PCDHGA3: variants seen among roughly 807,000 people sequenced by gnomAD.
PCDHGA3 encodes protocadherin gamma subfamily A, 3, also known as protocadherin gamma-A3.
A neutral mutation model predicts 58.5 loss-of-function variants in PCDHGA3; 40 were observed. That is an observed-to-expected ratio of 0.68 (90% CI 0.53 to 0.89). The LOEUF is 0.89. Among genes scored for constraint, PCDHGA3 ranks in the 40% least tolerant of loss-of-function variants. The pLI is 0.00. For synonymous variants in PCDHGA3, 530 were observed against 525.7 expected, an observed-to-expected ratio of 1.01 and a Z score of -0.11; for missense variants, 1,223 against 1,195.9, an observed-to-expected ratio of 1.02 and a Z score of -0.33.
rs35224477 is a variant in PCDHGA3, at chr5:141,464,263, TA to T, written c.2425-30530del. On this transcript the variant is annotated intron_variant, in intron 1 of 3. Coordinates refer to ENST00000253812, the MANE Select transcript of PCDHGA3 (RefSeq NM_018916.4). ...CTGGGCTACAGAGCGAGACTCCGTC[TA>T]AAAAAAAAAAAAAGCAAAAAAAAAA... Among the ~76,000 whole-genome samples, 390 of 103,506 alleles carry T rather than the reference TA, an allele frequency of 3.8e-3. 1 individual carries two copies. Among genetic ancestry groups the T allele is most frequent in the Admixed American group, 4.7e-3 (45 of 9,486 alleles). 67.9% of individuals were successfully genotyped at this position (103,506 alleles called of 152,430 possible). A position where few individuals can be genotyped will look rare whatever the true frequency, so the allele number is the denominator to read the frequency against.
At chr5:141,497,284 A>G (rs1486878285) in intron 2 of PCDHGA3, among the ~76,000 whole-genome samples, 1 of 152,104 alleles carries the variant, frequency 6.6e-6, no homozygotes, top group South Asian at 2.1e-4. Context: ...TGTTCCCTCT[A>G]CCTACCACCA....
At chr5:141,424,491 G>T (rs2096824224) in intron 1 of PCDHGA3, 1 of 152,122 alleles carries the variant, frequency 6.6e-6, no homozygotes, top group South Asian at 2.1e-4. Context: ...GTCTGTGTTT[G>T]TATGTATGGA....
At chr5:141,488,070 C>A (rs777154469) in intron 1 of PCDHGA3, among the ~76,000 whole-genome samples, 3 of 152,076 alleles carry the variant, frequency 2.0e-5, no homozygotes, top group Non-Finnish European at 1.5e-5. Context: ...TCTTTGTCTC[C>A]CAGTATCTAG....
chr5:141,367,835 C>T (rs1423216035), intron 1 of PCDHGA3: 1 of 151,994 alleles, frequency 6.6e-6, no homozygotes, highest in East Asian at 1.9e-4. Context: ...GAATCAATAC[C>T]TACTGCAATG....
chr5:141,443,443 G>A (rs2098388456), intron 1 of PCDHGA3, among the ~76,000 whole-genome samples: 1 of 152,124 alleles, frequency 6.6e-6, no homozygotes, highest in African/African-American at 2.4e-5. Flanking sequence ...CTGTGGTTGC[G>A]CTCCTGTACT....
chr5:141,354,877 C>T (rs1759657393), intron 1 of PCDHGA3: 1 of 369,784 alleles, frequency 2.7e-6, no homozygotes, highest in African/African-American at 2.1e-5. Flanking sequence ...AGGAATTTGA[C>T]TTTATTATCT....
At chr5:141,360,685 C>G (rs1174520125) in intron 1 of PCDHGA3, 2 of 1,613,986 alleles carry the variant, frequency 1.2e-6, no homozygotes, top group Non-Finnish European at 1.7e-6. Context: ...CGCTGAGAAA[C>G]AGACTCCAGA....
intron 1 of PCDHGA3, chr5:141,377,978 G>C (rs1774513116): frequency 6.6e-6 from 1 of 151,944 alleles, no homozygotes; most frequent in South Asian, 2.1e-4. Flanking sequence ...TATGTTCCTG[G>C]GTTGCAATCC....
intron 1 of PCDHGA3, chr5:141,414,424 G>C (rs762669763): frequency 1.2e-6 from 2 of 1,613,846 alleles, no homozygotes; most frequent in Non-Finnish European, 1.7e-6. Context: ...CCTTGACAGG[G>C]AACAGGTATC....
chr5:141,403,614 G>C (rs772617526), intron 1 of PCDHGA3: 1 of 1,613,860 alleles, frequency 6.2e-7, no homozygotes, highest in Admixed American at 1.7e-5. Context: ...GGCGAGCCGC[G>C]TCGCTCCAGC....
intron 1 of PCDHGA3, chr5:141,388,516 C>T (rs755004350): frequency 4.3e-6 from 7 of 1,613,864 alleles, no homozygotes; most frequent in South Asian, 3.3e-5. Context: ...TACCACTTGA[C>T]TTTGACTGCC....
intron 1 of PCDHGA3, among the ~76,000 whole-genome samples, chr5:141,439,662 G>A (rs2098125902): frequency 6.6e-6 from 1 of 152,150 alleles, no homozygotes; most frequent in South Asian, 2.1e-4. Flanking sequence ...TAATTTCATG[G>A]AATGCAAATC....
chr5:141,419,769 CGGT>C, intron 1 of PCDHGA3: 1 of 1,614,006 alleles, frequency 6.2e-7, no homozygotes, highest in Non-Finnish European at 8.5e-7. Context: ...GACAAGGACT[CGGT>C]CCGCCAGCGC....
At chr5:141,384,214 T>A in intron 1 of PCDHGA3, 1 of 1,613,874 alleles carries the variant, frequency 6.2e-7, no homozygotes, top group Non-Finnish European at 8.5e-7. Flanking sequence ...AACTCACATA[T>A]TCATGCAGGT....
chr5:141,383,264 A>T, intron 1 of PCDHGA3: 1 of 1,613,962 alleles, frequency 6.2e-7, no homozygotes, highest in Non-Finnish European at 8.5e-7. Context: ...ATAGACGTGG[A>T]AATAATAGAT....
In PCDHGA3 at chr5:141,485,099, G is replaced by T; in HGVS notation, c.2425-9708G>T. The T allele has an allele frequency of 8.7e-7, 1 of 1,145,218 alleles. No individual in the cohort carries two copies. Among genetic ancestry groups the T allele is most frequent in the Non-Finnish European group, 1.3e-6 (1 of 775,682 alleles). 70.9% of individuals were successfully genotyped at this position (1,145,218 alleles called of 1,614,324 possible). A position where few individuals can be genotyped will look rare whatever the true frequency, so the allele number is the denominator to read the frequency against. ...GGGGAAAGGGAGATAGGTGTCTCCA[G>T]CTGCTGTGGCTGTTTGGGGCGGGTC... On this transcript the variant is annotated intron_variant, in intron 1 of 3. Transcript: ENST00000253812. The surrounding 1 kb of genome is among the most constrained non-coding windows in gnomAD (Gnocchi z 5.7).
At chr5:141,479,200 AAAGT>A (rs1430087636) in intron 1 of PCDHGA3, 5 of 152,466 alleles carry the variant, frequency 3.3e-5, no homozygotes, top group African/African-American at 1.2e-4. Flanking sequence ...AAAATACAGA[AAAGT>A]ATTTAAAAAA....
intron 1 of PCDHGA3, among the ~76,000 whole-genome samples, chr5:141,465,545 C>T (rs2099105349): frequency 6.6e-6 from 1 of 152,146 alleles, no homozygotes; most frequent in South Asian, 2.1e-4. Context: ...GGCATTTTTT[C>T]TGCTGAAGCT....
intron 1 of PCDHGA3, chr5:141,393,324 CA>C (rs2092729145): frequency 6.2e-7 from 1 of 1,611,096 alleles, no homozygotes; most frequent in African/African-American, 1.4e-5. Context: ...CCAGAGCTAC[CA>C]GCTCAGCCCC....
Sources: gnomAD v4.1 joint callset for allele counts (sites outside exome capture counted in the v4.1 genomes callset) on GRCh38, gnomAD v4.1.1 for gene constraint, Gnocchi (gnomAD v3.1) non-coding constraint, MANE v1.5 for transcripts, NCBI Gene and HGNC (gene_info 2026-07-23, HGNC 2026-07-21) for gene names.